The following MGST1 variants were observed in gnomAD, a reference collection of about 807,000 sequenced individuals.
The protein encoded by MGST1 is glutathione S-transferase 12.
Under a neutral mutation model 8.9 loss-of-function variants are expected in MGST1, and 5 were observed. The observed-to-expected ratio is 0.56, with a 90% CI of 0.29 to 1.19. The LOEUF is 1.19. MGST1 is among the 50% of genes most tolerant of loss of function. The pLI is 0.08. For missense variants in MGST1, 182 were observed against 187.4 expected (o/e 0.97, Z 0.17); for synonymous variants, 54 against 67.8 (o/e 0.80, Z 1.00).
chr12:16,547,346 T>C lies in MGST1; in HGVS notation n.483-42182T>C, dbSNP rs1344396680. 2.0e-5 allele frequency among the ~76,000 whole-genome samples: 3 copies of C among 152,198 alleles called. No homozygotes were observed. Among genetic ancestry groups the C allele is most frequent in the Admixed American group, 2.0e-4 (3 of 15,270 alleles). ...AATCTGAGGGTGACTCATTAATTAATTGATGTTCTTTTTTATCATGTGCTA... is the reference window on the plus strand; with the variant it reads ...AATCTGAGGGTGACTCATTAATTAACTGATGTTCTTTTTTATCATGTGCTA... On this transcript the variant is annotated intron_variant and non_coding_transcript_variant, in intron 4 of 4. Coordinates refer to the MGST1 transcript ENST00000538857. This position sits in a 1 kb window ranked among gnomAD's most constrained non-coding sequence, Gnocchi z 4.6.
chr12:16,531,664 G>C (rs1244012478), intron 4 of MGST1, among the ~76,000 whole-genome samples: 2 of 152,024 alleles, frequency 1.3e-5, no homozygotes, highest in Non-Finnish European at 2.9e-5. Flanking sequence ...GAGTTTTTAG[G>C]GACTTAAATG....
chr12:16,465,068 T>C (rs2137128772), intron 4 of MGST1, among the ~76,000 whole-genome samples: 1 of 152,266 alleles, frequency 6.6e-6, no homozygotes, highest in Middle Eastern at 3.4e-3. Context: ...ACCAGCCAGG[T>C]CTCCAGATGT....
intron 4 of MGST1, among the ~76,000 whole-genome samples, chr12:16,516,930 G>A (rs192013680): frequency 2.6e-5 from 4 of 152,234 alleles, no homozygotes; most frequent in Admixed American, 6.5e-5. Flanking sequence ...TACAATTAGC[G>A]AGTGTGCCTA....
At position 16,413,761 on chromosome 12, in the gene MGST1, C is replaced by T. The variant is rs959741473; in HGVS notation, n.779-23627C>T. 6.6e-6 allele frequency among the ~76,000 whole-genome samples: 1 copy of T among 152,106 alleles called. No homozygotes were observed. The highest frequency in any genetic ancestry group is 1.5e-5 in the Non-Finnish European group (1 of 68,008). On this transcript the variant is annotated intron_variant and non_coding_transcript_variant, in intron 1 of 1. Transcript: ENST00000359720. This position sits in a 1 kb window ranked among gnomAD's most constrained non-coding sequence, Gnocchi z 4.0. The stretch of plus-strand genomic sequence containing the variant: ...ATAGTATGCTGCCAGTATTTGTTTA[C>T]ATTTGTTTCCACTTCTAGACTATGC...
At chr12:16,461,628 G>GA (rs1317309634) in intron 4 of MGST1, among the ~76,000 whole-genome samples, 2 of 152,000 alleles carry the variant, frequency 1.3e-5, no homozygotes, top group Non-Finnish European at 2.9e-5. Flanking sequence ...GAACCCATGA[G>GA]AAAAAAACAT....
chr12:16,415,945 A>G (rs573395491), intron 1 of MGST1, among the ~76,000 whole-genome samples: 1 of 152,352 alleles, frequency 6.6e-6, no homozygotes, highest in African/African-American at 2.4e-5. Context: ...ATTTGCAGCC[A>G]TAATCAAGAA....
intron 4 of MGST1, among the ~76,000 whole-genome samples, chr12:16,566,470 T>C (rs1410871319): frequency 6.6e-6 from 1 of 152,072 alleles, no homozygotes; most frequent in Non-Finnish European, 1.5e-5. Context: ...ACTACCCTAA[T>C]TAGATCATTA....
At position 16,482,343 on chromosome 12, in the gene MGST1, A is replaced by G. The variant is rs1941369579; in HGVS notation, n.482+98739A>G. On this transcript the variant is annotated intron_variant and non_coding_transcript_variant, in intron 4 of 4. Coordinates refer to the MGST1 transcript ENST00000538857. This position sits in a 1 kb window ranked among gnomAD's most constrained non-coding sequence, Gnocchi z 4.2. The stretch of plus-strand genomic sequence containing the variant: ...ATGTTTGATCTGAAGTATAAAAAAA[A>G]GAGCAAGGGCCGGGTGCAGTGGCTC... Among the ~76,000 whole-genome samples the G allele has an allele frequency of 6.6e-6, 1 of 152,222 alleles. No individual in the cohort carries two copies. The highest frequency in any genetic ancestry group is 2.4e-5 in the African/African-American group (1 of 41,460).
At chr12:16,376,804 A>T (rs1198624452) in exon 4 of MGST1, 1 of 152,134 alleles carries the variant, frequency 6.6e-6, no homozygotes, top group African/African-American at 2.4e-5. Context: ...TACCTCTGAA[A>T]TACAGATGAT....
chr12:16,401,121 G>A lies in MGST1; in HGVS notation n.778+17517G>A, dbSNP rs191142224. 139 of 1,576,492 alleles carry A rather than the reference G, an allele frequency of 8.8e-5. No homozygotes were observed. In the Admixed American group the frequency reaches 1.4e-3, roughly 16 times the overall value. ...CCTCCTCCTCCTTTTCCTCATCTTC[G>A]TTCCTTAGGAAAATACCCACATTCT... On this transcript the variant is annotated intron_variant and non_coding_transcript_variant, in intron 1 of 1. Transcript: ENST00000359720. This position sits in a 1 kb window ranked among gnomAD's most constrained non-coding sequence, Gnocchi z 4.3.
At position 16,513,954 on chromosome 12, in the gene MGST1, C is replaced by A; in HGVS notation, n.483-75574C>A. The A allele has an allele frequency of 3.8e-6, 2 of 521,544 alleles. No homozygotes were observed. The highest frequency in any genetic ancestry group is 2.5e-5 in the Admixed American group (1 of 39,566). The allele number at this position is 521,544 out of a possible 1,614,324, so 32.3% of individuals were successfully genotyped here. ...ACCGCAAGACTTGCGGTTTTGACTTCACAGACACTGTGGAGGACATTTCAA... is the reference window on the plus strand; with the variant it reads ...ACCGCAAGACTTGCGGTTTTGACTTAACAGACACTGTGGAGGACATTTCAA... On this transcript the variant is annotated intron_variant and non_coding_transcript_variant, in intron 4 of 4. Coordinates refer to the MGST1 transcript ENST00000538857. This position sits in a 1 kb window ranked among gnomAD's most constrained non-coding sequence, Gnocchi z 4.2.
intron 2 of MGST1, among the ~76,000 whole-genome samples, chr12:16,355,696 A>G (rs899436992): frequency 6.6e-6 from 1 of 152,298 alleles, no homozygotes; most frequent in African/African-American, 2.4e-5. Context: ...AAATTTGGAG[A>G]GTGCCGGGAG....
At chr12:16,515,171 G>C (rs570357807) in intron 4 of MGST1, among the ~76,000 whole-genome samples, 1 of 152,248 alleles carries the variant, frequency 6.6e-6, no homozygotes, top group East Asian at 1.9e-4. Context: ...GAAAACCAAT[G>C]AGTCTGCTGC....
At chr12:16,474,832 G>A (rs1941311094) in intron 4 of MGST1, among the ~76,000 whole-genome samples, 2 of 152,210 alleles carry the variant, frequency 1.3e-5, no homozygotes, top group Non-Finnish European at 2.9e-5. Flanking sequence ...GGTGTACTAA[G>A]TAGGTATTAA....
intron 1 of MGST1, among the ~76,000 whole-genome samples, chr12:16,394,348 A>C (rs1009332879): frequency 6.6e-6 from 1 of 150,954 alleles, no homozygotes; most frequent in Non-Finnish European, 1.5e-5. Flanking sequence ...TTTTCTATTT[A>C]GTTATTAATC....
At chr12:16,549,380 A>G (rs971098423) in intron 4 of MGST1, 3 of 152,506 alleles carry the variant, frequency 2.0e-5, no homozygotes, top group Non-Finnish European at 2.9e-5. Flanking sequence ...CATTTGGAAA[A>G]ATACATATCA....
At chr12:16,588,323 A>G (rs1337606688) in intron 4 of MGST1, among the ~76,000 whole-genome samples, 3 of 152,050 alleles carry the variant, frequency 2.0e-5, no homozygotes, top group East Asian at 3.8e-4. Context: ...TGTTTAAAGA[A>G]CACTGTGAAA....
chr12:16,424,928 C>A (rs185404382), intron 1 of MGST1, among the ~76,000 whole-genome samples: 1 of 152,160 alleles, frequency 6.6e-6, no homozygotes, highest in Admixed American at 6.5e-5. Flanking sequence ...AGCTTCTTCA[C>A]CTATGCACAT....
chr12:16,375,432 A>C (rs1940362476), intron 3 of MGST1, among the ~76,000 whole-genome samples: 1 of 152,314 alleles, frequency 6.6e-6, no homozygotes, highest in South Asian at 2.1e-4. Flanking sequence ...TATCCTATTG[A>C]TGGCATAACC....
Sources: allele counts gnomAD v4.1 joint callset (sites outside exome capture counted in the v4.1 genomes callset), GRCh38; gene constraint gnomAD v4.1.1; non-coding constraint Gnocchi (gnomAD v3.1); transcripts MANE v1.5; gene names NCBI Gene and HGNC (gene_info 2026-07-23, HGNC 2026-07-21).